ACMSD: variants seen among roughly 807,000 people sequenced by gnomAD.
The protein encoded by ACMSD is aminocarboxymuconate semialdehyde decarboxylase, also known as 2-amino-3-carboxymuconate-6-semialdehyde decarboxylase.
ACMSD carries 37 observed loss-of-function variants against 45.9 expected under a neutral mutation model. The ratio of observed to expected loss-of-function variants is 0.81; its 90% CI spans 0.62 to 1.06. The LOEUF (loss-of-function observed/expected upper bound fraction) is 1.06. ACMSD is among the 50% of genes least tolerant of loss of function. The pLI, the probability that ACMSD is intolerant of heterozygous loss-of-function variation, is 0.00. For missense variants in ACMSD, 434 were observed against 420.9 expected (o/e 1.03, Z -0.27); for synonymous variants, 138 against 148.8 (o/e 0.93, Z 0.53).
At chr2:134,861,333 G>A (rs1408515682) in intron 3 of ACMSD, among the ~76,000 whole-genome samples, 1 of 152,208 alleles carries the variant, frequency 6.6e-6, no homozygotes, top group African/African-American at 2.4e-5. Context: ...GGTAAACGAA[G>A]TGTGTGTGTC....
chr2:134,847,459 G>A (rs1165682561), intron 2 of ACMSD, among the ~76,000 whole-genome samples: 1 of 150,830 alleles, frequency 6.6e-6, no homozygotes, highest in Non-Finnish European at 1.5e-5. Context: ...TATAGATAGA[G>A]ATAGAGATAG....
At chr2:134,880,050 G>A (rs899857401) in intron 8 of ACMSD, among the ~76,000 whole-genome samples, 3 of 152,014 alleles carry the variant, frequency 2.0e-5, no homozygotes, top group Non-Finnish European at 2.9e-5. Flanking sequence ...TCAAAACCTT[G>A]TTTATCTAAA....
At chr2:134,843,548 G>C (rs1277960549) in intron 1 of ACMSD, among the ~76,000 whole-genome samples, 1 of 152,124 alleles carries the variant, frequency 6.6e-6, no homozygotes, top group African/African-American at 2.4e-5. Context: ...AAGGGAGCTA[G>C]GAAAGGAGTC....
intron 8 of ACMSD, among the ~76,000 whole-genome samples, chr2:134,893,221 T>C (rs971331932): frequency 2.0e-5 from 3 of 151,722 alleles, no homozygotes; most frequent in Non-Finnish European, 4.4e-5. Context: ...TTTTTTTTTT[T>C]TTTTTTGAGA....
chr2:134,875,975 CAT>C (rs1688712390), intron 8 of ACMSD, among the ~76,000 whole-genome samples: 3 of 152,166 alleles, frequency 2.0e-5, no homozygotes, highest in South Asian at 4.1e-4. Flanking sequence ...CAAACCTGTA[CAT>C]GTTACTGTAC....
intron 8 of ACMSD, among the ~76,000 whole-genome samples, chr2:134,878,241 A>C (rs1385146436): frequency 6.6e-6 from 1 of 152,224 alleles, no homozygotes; most frequent in Non-Finnish European, 1.5e-5. Flanking sequence ...ACTAGCCACT[A>C]GCAAGTCTGA....
At chr2:134,886,843 T>G (rs1573709771) in intron 8 of ACMSD, among the ~76,000 whole-genome samples, 5 of 152,308 alleles carry the variant, frequency 3.3e-5, no homozygotes, top group Admixed American at 3.3e-4. Context: ...TGTAATAAAT[T>G]TTTAAGGACC....
chr2:134,862,245 A>G (rs1456907603), intron 4 of ACMSD, among the ~76,000 whole-genome samples: 1 of 152,150 alleles, frequency 6.6e-6, no homozygotes, highest in African/African-American at 2.4e-5. Context: ...CTTGCATTAT[A>G]GTTTCACTGT....
intron 8 of ACMSD, among the ~76,000 whole-genome samples, chr2:134,877,853 G>A (rs1234046924): frequency 1.3e-5 from 2 of 152,158 alleles, no homozygotes; most frequent in Admixed American, 1.3e-4. Flanking sequence ...CACATTCAAG[G>A]GGAGTAGAAT....
At chr2:134,840,661 G>C (rs1686763367) in intron 1 of ACMSD, among the ~76,000 whole-genome samples, 2 of 152,184 alleles carry the variant, frequency 1.3e-5, no homozygotes, top group African/African-American at 4.8e-5. Context: ...GGACTTCCCA[G>C]CTTCCAAACT....
At chr2:134,851,669 C>T (rs1687352415) in intron 2 of ACMSD, among the ~76,000 whole-genome samples, 1 of 152,206 alleles carries the variant, frequency 6.6e-6, no homozygotes, top group Non-Finnish European at 1.5e-5. Context: ...TCTCAAACTC[C>T]TAACCTCGGG....
rs371813899 is a variant in ACMSD at position 134,900,926 on chromosome 2, G to C, written c.949-872G>C. 1.1e-3 allele frequency among the ~76,000 whole-genome samples: 174 copies of C among 152,278 alleles called. 4 individuals carry two copies. The South Asian group carries it at 0.035, about 31-fold the overall frequency. Reference sequence around the variant, plus strand: ...TCCCTCAAAGGATACATGGTACTAAGCTATCTTAAAAGGTAAAGTACATGG... The same window carrying C: ...TCCCTCAAAGGATACATGGTACTAACCTATCTTAAAAGGTAAAGTACATGG... On this transcript the variant is annotated intron_variant, in intron 9 of 9. Transcript: ENST00000356140.
intron 1 of ACMSD, chr2:134,844,426 G>C (rs375324437): frequency 1.3e-5 from 2 of 152,258 alleles, no homozygotes; most frequent in Admixed American, 6.5e-5. Context: ...GGAAACACCA[G>C]TAGAGTGAGG....
At chr2:134,851,041 A>G (rs1687317583) in intron 2 of ACMSD, among the ~76,000 whole-genome samples, 1 of 152,210 alleles carries the variant, frequency 6.6e-6, no homozygotes, top group Non-Finnish European at 1.5e-5. Context: ...AAGTGAGAAC[A>G]TGCAGTGTTT....
In ACMSD at chr2:134,867,686, T is replaced by C; in HGVS notation, c.580+14T>C. ...CTTGGCTTGTAGGTTTGTGTCTGTGTGGGGTCTGGAACAGAGGACCAACTC... is the reference window on the plus strand; with the variant it reads ...CTTGGCTTGTAGGTTTGTGTCTGTGCGGGGTCTGGAACAGAGGACCAACTC... On this transcript the variant is annotated intron_variant, in intron 6 of 9. Coordinates refer to ENST00000356140, the MANE Select transcript of ACMSD (RefSeq NM_138326.3). The C allele has an allele frequency of 6.2e-7, 1 of 1,611,718 alleles. No individual in the cohort carries two copies. The highest frequency in any genetic ancestry group is 8.5e-7 in the Non-Finnish European group (1 of 1,178,134).
chr2:134,864,454 A>G (rs763115655), intron 5 of ACMSD, among the ~76,000 whole-genome samples: 1 of 152,166 alleles, frequency 6.6e-6, no homozygotes, highest in Non-Finnish European at 1.5e-5. Context: ...TGATATACAT[A>G]TATCTATATT....
At chr2:134,853,551 G>A (rs1227147220) in intron 2 of ACMSD, among the ~76,000 whole-genome samples, 1 of 152,142 alleles carries the variant, frequency 6.6e-6, no homozygotes, top group Non-Finnish European at 1.5e-5. Flanking sequence ...TAATGCTGAG[G>A]TCAGTGTTAA....
chr2:134,885,172 G>A (rs1479142892), intron 8 of ACMSD, among the ~76,000 whole-genome samples: 1 of 141,674 alleles, frequency 7.1e-6, no homozygotes, highest in African/African-American at 2.7e-5. Flanking sequence ...CTCCAGCCTG[G>A]GTGATGGAGT....
At chr2:134,841,534 A>G (rs1418708042) in intron 1 of ACMSD, among the ~76,000 whole-genome samples, 1 of 152,208 alleles carries the variant, frequency 6.6e-6, no homozygotes, top group Non-Finnish European at 1.5e-5. Context: ...TCTGACGTAT[A>G]AAGACAATGG....
Sources: allele counts gnomAD v4.1 joint callset (sites outside exome capture counted in the v4.1 genomes callset), GRCh38; gene constraint gnomAD v4.1.1; transcripts MANE v1.5; gene names NCBI Gene and HGNC (gene_info 2026-07-23, HGNC 2026-07-21).